The following STXBP6 variants were observed in gnomAD, a reference collection of about 807,000 sequenced individuals.
The protein encoded by STXBP6 is syntaxin-binding protein 6.
Under a neutral mutation model 26.9 loss-of-function variants are expected in STXBP6, and 21 were observed. That is an observed-to-expected ratio of 0.78 (90% confidence interval 0.55 to 1.12). STXBP6 has a LOEUF of 1.12. Ranked by LOEUF, STXBP6 falls within the 50% of genes most tolerant of loss-of-function variation. The probability of loss-of-function intolerance (pLI) is 0.00; values close to 1 mark genes in which losing one functional copy is unlikely to be tolerated. For missense variants in STXBP6, 232 were observed against 257.9 expected, an observed-to-expected ratio of 0.90 and a Z score of 0.69; for synonymous variants, 97 against 92.6, an observed-to-expected ratio of 1.05 and a Z score of -0.27.
At chr14:24,911,736 C>T (rs1435026888) in intron 2 of STXBP6, among the ~76,000 whole-genome samples, 3 of 152,212 alleles carry the variant, frequency 2.0e-5, no homozygotes, top group African/African-American at 7.2e-5. Context: ...ATTCTATTAT[C>T]ACCCTTTTCC....
At chr14:24,976,312 G>C (rs1410853805) in intron 1 of STXBP6, among the ~76,000 whole-genome samples, 1 of 152,174 alleles carries the variant, frequency 6.6e-6, no homozygotes, top group African/African-American at 2.4e-5. Flanking sequence ...GTAGGAAAGT[G>C]ATATATTAAA....
intron 2 of STXBP6, among the ~76,000 whole-genome samples, chr14:24,897,892 C>T (rs530733243): frequency 6.6e-6 from 1 of 152,218 alleles, no homozygotes; most frequent in East Asian, 1.9e-4. Flanking sequence ...TATAATAATT[C>T]TTAATTATTA....
At chr14:24,995,011 C>CAAA (rs34166172) in intron 1 of STXBP6, 8 of 96,668 alleles carry the variant, frequency 8.3e-5, no homozygotes, top group East Asian at 7.0e-4. Context: ...GACTCCATGT[C>CAAA]AAAAAAAAAA....
intron 1 of STXBP6, among the ~76,000 whole-genome samples, chr14:25,044,259 T>C (rs1270060586): frequency 6.6e-6 from 1 of 151,498 alleles, no homozygotes; most frequent in East Asian, 2.0e-4. Context: ...TGTGTATCTA[T>C]CTTGGAGGGG....
At chr14:24,898,447 G>A (rs1383738227) in intron 2 of STXBP6, among the ~76,000 whole-genome samples, 2 of 152,336 alleles carry the variant, frequency 1.3e-5, no homozygotes, top group Admixed American at 6.5e-5. Context: ...GGGAGGCCAA[G>A]GCGGGTGGAT....
intron 5 of STXBP6, among the ~76,000 whole-genome samples, chr14:24,814,033 G>C (rs1040655645): frequency 1.3e-5 from 2 of 152,122 alleles, no homozygotes; most frequent in Admixed American, 6.6e-5. Context: ...ACCTCTGTCT[G>C]GTGATGCCAG....
chr14:24,832,054 G>A (rs1470518695), intron 4 of STXBP6, among the ~76,000 whole-genome samples: 1 of 152,022 alleles, frequency 6.6e-6, no homozygotes, highest in African/African-American at 2.4e-5. Flanking sequence ...ATATATGGAA[G>A]CTGAGGGTTT....
intron 1 of STXBP6, among the ~76,000 whole-genome samples, chr14:25,015,062 G>A (rs1034716385): frequency 6.6e-6 from 1 of 152,054 alleles, no homozygotes; most frequent in Non-Finnish European, 1.5e-5. Context: ...TTTTGACTTA[G>A]ATAAACGAAC....
At chr14:24,993,466 C>T (rs1050061687) in intron 1 of STXBP6, among the ~76,000 whole-genome samples, 1 of 152,182 alleles carries the variant, frequency 6.6e-6, no homozygotes, top group Non-Finnish European at 1.5e-5. Context: ...AATCAAGATG[C>T]CATCATCTTC....
intron 2 of STXBP6, among the ~76,000 whole-genome samples, chr14:24,966,100 C>T (rs2073724372): frequency 6.6e-6 from 1 of 152,162 alleles, no homozygotes; most frequent in African/African-American, 2.4e-5. Flanking sequence ...TAACAGTGGG[C>T]TGTGTGGTGG....
At chr14:25,025,276 AT>A (rs1467203247) in intron 1 of STXBP6, among the ~76,000 whole-genome samples, 1 of 152,132 alleles carries the variant, frequency 6.6e-6, no homozygotes, top group African/African-American at 2.4e-5. Context: ...ATAATGAGAT[AT>A]ATATTAGGGA....
At chr14:25,045,510 G>A (rs2075711074) in intron 1 of STXBP6, among the ~76,000 whole-genome samples, 1 of 151,660 alleles carries the variant, frequency 6.6e-6, no homozygotes, top group East Asian at 1.9e-4. Context: ...CTTTGTTTGA[G>A]GATGTCATCA....
At chr14:24,899,903 A>G (rs2071152068) in intron 2 of STXBP6, among the ~76,000 whole-genome samples, 1 of 151,426 alleles carries the variant, frequency 6.6e-6, no homozygotes, top group African/African-American at 2.4e-5. Flanking sequence ...ACACTATGCC[A>G]TGCAGTATCT....
At chr14:25,031,984 G>A (rs2075464849) in intron 1 of STXBP6, among the ~76,000 whole-genome samples, 1 of 152,142 alleles carries the variant, frequency 6.6e-6, no homozygotes, top group African/African-American at 2.4e-5. Context: ...CCAAGAGAAG[G>A]TGGGGAGTGG....
intron 4 of STXBP6, among the ~76,000 whole-genome samples, chr14:24,841,079 C>T (rs929678932): frequency 9.2e-5 from 14 of 152,202 alleles, no homozygotes; most frequent in African/African-American, 3.1e-4. Context: ...CACTCCACTC[C>T]TACCCTTTGG....
intron 1 of STXBP6, among the ~76,000 whole-genome samples, chr14:24,998,917 T>C (rs1403494485): frequency 6.6e-6 from 1 of 152,198 alleles, no homozygotes; most frequent in African/African-American, 2.4e-5. Context: ...ATACTATTCT[T>C]ATGGGAGAAA....
chr14:24,977,051 T>C (rs1477720595), intron 1 of STXBP6, among the ~76,000 whole-genome samples: 1 of 151,470 alleles, frequency 6.6e-6, no homozygotes, highest in East Asian at 1.9e-4. Flanking sequence ...TTAGTAGAGA[T>C]AGGGTTTCAC....
intron 5 of STXBP6, among the ~76,000 whole-genome samples, chr14:24,813,632 G>GCA (rs2067886007): frequency 6.6e-6 from 1 of 152,252 alleles, no homozygotes; most frequent in African/African-American, 2.4e-5. Context: ...AATCCTTTGA[G>GCA]CAAAGAACAG....
chr14:24,858,527 A>T (rs917807172), intron 2 of STXBP6, among the ~76,000 whole-genome samples: 1 of 152,090 alleles, frequency 6.6e-6, no homozygotes, highest in African/African-American at 2.4e-5. Context: ...TTTCATACCA[A>T]TTACATTTAC....
Sources: allele counts gnomAD v4.1 joint callset (sites outside exome capture counted in the v4.1 genomes callset), GRCh38; gene constraint gnomAD v4.1.1; transcripts MANE v1.5; gene names NCBI Gene and HGNC (gene_info 2026-07-23, HGNC 2026-07-21).